NDUFA10: variants seen among roughly 807,000 people sequenced by gnomAD.
NDUFA10 encodes NADH:ubiquinone oxidoreductase subunit A10.
In NDUFA10, 40 loss-of-function variants were observed where a neutral mutation model predicts 47.8. The observed-to-expected ratio is 0.84, with a 90% CI of 0.65 to 1.09. The LOEUF (loss-of-function observed/expected upper bound fraction) is 1.09. Among genes scored for constraint, NDUFA10 ranks in the 50% least tolerant of loss-of-function variants. The pLI, the probability that NDUFA10 is intolerant of heterozygous loss-of-function variation, is 0.00. For synonymous variants in NDUFA10, 183 were observed against 172.2 expected (o/e 1.06, Z -0.49); for missense variants, 413 against 451.1 (o/e 0.92, Z 0.76).
At chr2:239,994,952 C>T (rs1462242200) in intron 8 of NDUFA10, among the ~76,000 whole-genome samples, 2 of 152,078 alleles carry the variant, frequency 1.3e-5, no homozygotes, top group African/African-American at 4.8e-5. Flanking sequence ...CTAACAGCAA[C>T]AATGAATTGA....
rs1172055956 is a variant in NDUFA10 at position 239,915,461 on chromosome 2, CACAT to C, written c.295-20151_295-20148del. On this transcript the variant is annotated intron_variant, in intron 4 of 5. Coordinates refer to the NDUFA10 transcript ENST00000419408. ...ACACACACACAGAGAGACAGAGATA[CACAT>C]ACATACACACACACAGAACACACAC... Among the ~76,000 whole-genome samples, 6 of 145,968 alleles carry C rather than the reference CACAT, an allele frequency of 4.1e-5. 1 individual carries two copies. The highest frequency in any genetic ancestry group is 2.0e-4 in the East Asian group (1 of 5,064).
chr2:239,912,034 G>A (rs1034077361), intron 4 of NDUFA10, among the ~76,000 whole-genome samples: 1 of 152,146 alleles, frequency 6.6e-6, no homozygotes, highest in Non-Finnish European at 1.5e-5. Context: ...GAGAGGAGGC[G>A]CAGCTTTGCT....
At chr2:239,916,363 C>T (rs891713456) in intron 4 of NDUFA10, among the ~76,000 whole-genome samples, 5 of 151,736 alleles carry the variant, frequency 3.3e-5, no homozygotes, top group Admixed American at 2.0e-4. Context: ...CACACATACA[C>T]AGACATGCAG....
intron 4 of NDUFA10, among the ~76,000 whole-genome samples, chr2:239,900,579 G>GAA (rs10566559): frequency 0.011 from 1,609 of 148,104 alleles, 18 homozygotes; most frequent in African/African-American, 0.03. Context: ...TCTTCCATAG[G>GAA]AAAAAAAAAA....
chr2:239,939,641 C>G (rs182603990), intron 4 of NDUFA10, among the ~76,000 whole-genome samples: 1 of 152,282 alleles, frequency 6.6e-6, no homozygotes, highest in Admixed American at 6.5e-5. Context: ...TCTAAAGTTT[C>G]CAAATAGGAA....
Position 240,005,269 on chromosome 2 carries a change from C to A in NDUFA10, c.831G>T (p.Lys277Asn), listed in dbSNP as rs371179761. 2.7e-5 allele frequency: 44 copies of A among 1,613,956 alleles called. No homozygotes were observed. Among genetic ancestry groups the A allele is most frequent in the Non-Finnish European group, 3.7e-5 (44 of 1,179,978 alleles). The part of the protein sequence containing the change: ...KKVVEDIEYL[K>N]FDKGPWLKQD... ...GCTTGAGCCACGGCCCTTTATCGAA[C>A]TTCAGGTATTCAATGTCCTCTACCA... The change falls in exon 8 of 10, where the codon AAG (lysine) becomes AAT (asparagine). Residue 277 changes from lysine (K) to asparagine (N), a missense_variant. Physicochemically the swap from Lys to Asn is moderately conservative, Grantham distance 94. Coordinates refer to ENST00000252711, the MANE Select transcript of NDUFA10 (RefSeq NM_004544.4).
chr2:240,002,299 C>T (rs1243356910), intron 8 of NDUFA10, among the ~76,000 whole-genome samples: 3 of 137,818 alleles, frequency 2.2e-5, no homozygotes, highest in Non-Finnish European at 4.5e-5. Context: ...CACTGCACTC[C>T]AGTCTGGGCA....
chr2:239,962,239 A>ACC (rs3223307), intron 9 of NDUFA10, among the ~76,000 whole-genome samples: 2 of 149,346 alleles, frequency 1.3e-5, no homozygotes, highest in Middle Eastern at 3.4e-3. Flanking sequence ...ACACACACAC[A>ACC]CCCCTTCCAA....
At chr2:239,999,539 G>GCAA (rs1696621800) in intron 8 of NDUFA10, among the ~76,000 whole-genome samples, 1 of 152,208 alleles carries the variant, frequency 6.6e-6, no homozygotes, top group Non-Finnish European at 1.5e-5. Flanking sequence ...AGCAGCAGCA[G>GCAA]CTCTGGACTC....
At chr2:239,949,262 G>A (rs927139220) in intron 4 of NDUFA10, among the ~76,000 whole-genome samples, 2 of 152,238 alleles carry the variant, frequency 1.3e-5, no homozygotes, top group Non-Finnish European at 2.9e-5. Context: ...ACGGCTCGGA[G>A]GGCGAAGCGA....
At chr2:239,904,307 C>T (rs1335429912) in intron 4 of NDUFA10, among the ~76,000 whole-genome samples, 1 of 152,030 alleles carries the variant, frequency 6.6e-6, no homozygotes, top group East Asian at 1.9e-4. Context: ...ATTCGTTATA[C>T]ATATTTTTTA....
intron 4 of NDUFA10, among the ~76,000 whole-genome samples, chr2:239,898,080 A>G (rs930221946): frequency 6.6e-6 from 1 of 152,154 alleles, no homozygotes; most frequent in Non-Finnish European, 1.5e-5. Context: ...GCAGGAACCA[A>G]CCGGGGCCCA....
At chr2:239,943,887 C>T (rs1159582344) in intron 4 of NDUFA10, among the ~76,000 whole-genome samples, 1 of 152,190 alleles carries the variant, frequency 6.6e-6, no homozygotes, top group Non-Finnish European at 1.5e-5. Flanking sequence ...GTCCCTGTCC[C>T]TGGACAGTGA....
chr2:239,986,297 G>A lies in NDUFA10; in HGVS notation c.999+3777C>T, dbSNP rs115978293. On this transcript the variant is annotated intron_variant, in intron 9 of 9. Transcript: ENST00000252711. ...AAGTTCAAATGGAAAGCTGTTCTGC[G>A]GGACTGGAGAATGCCTGCCTGCACC... Among the ~76,000 whole-genome samples, 626 of 152,302 alleles carry A rather than the reference G, an allele frequency of 4.1e-3. 7 individuals carry two copies. Among genetic ancestry groups the A allele is most frequent in the African/African-American group, 0.014 (582 of 41,556 alleles).
Position 240,025,313 on chromosome 2 carries a change from C to T in NDUFA10, c.-12G>A. On this transcript the variant is annotated 5_prime_UTR_variant, in exon 1 of 10. Coordinates refer to ENST00000252711, the MANE Select transcript of NDUFA10 (RefSeq NM_004544.4). The stretch of plus-strand genomic sequence containing the variant: ...AGCCGCAAGGCCATGGCTACCCGGT[C>T]AGCTCAGGATCAAGGACCCAAGGGG... 1 of 1,505,140 alleles carries T rather than the reference C, an allele frequency of 6.6e-7. No individual in the cohort carries two copies. The highest frequency in any genetic ancestry group is 8.8e-7 in the Non-Finnish European group (1 of 1,130,548). 93.2% of individuals were successfully genotyped at this position (1,505,140 alleles called of 1,614,324 possible).
At chr2:239,927,040 A>G (rs1340214123) in intron 4 of NDUFA10, among the ~76,000 whole-genome samples, 1 of 152,096 alleles carries the variant, frequency 6.6e-6, no homozygotes, top group Non-Finnish European at 1.5e-5. Context: ...CCCACGATTC[A>G]ACGGCCTCCC....
In NDUFA10 at chr2:240,014,859, A is replaced by G. The variant is rs149783296; in HGVS notation, c.549T>C (p.Cys183=). 1.4e-4 allele frequency: 218 copies of G among 1,614,174 alleles called. 1 individual carries two copies. The East Asian group carries it at 3.5e-3, about 26-fold the overall frequency. The change falls in exon 5 of 10, where the codon TGT becomes TGC. Residue 183 remains cysteine, a splice_region_variant and synonymous_variant. Transcript: ENST00000252711. ...TCTTCACCTCGTTGTAGTGGTCCAC[A>G]CCTGGCACATAGGAGAAAGGGGCGC... ...MYNQGFIRKQ[C]VDHYNEVKSV...
rs1694691676 is a variant in NDUFA10, at chr2:239,957,580, G to A, written c.*3538C>T. ...ATACATCAATAGTAAAAGCGAATGA[G>A]CAAACTTACTCACATGCTTAAAGAT... On this transcript the variant is annotated 3_prime_UTR_variant, in exon 10 of 10. Transcript: ENST00000252711. 6.6e-6 allele frequency: 1 copy of A among 152,184 alleles called. No individual in the cohort carries two copies. Among genetic ancestry groups the A allele is most frequent in the Admixed American group, 6.5e-5 (1 of 15,272 alleles). The allele number at this position is 152,184 out of a possible 1,614,324, so 9.4% of individuals were successfully genotyped here. A position where few individuals can be genotyped will look rare whatever the true frequency, so the allele number is the denominator to read the frequency against.
Position 240,025,230 on chromosome 2 carries a change from G to A in NDUFA10, c.72C>T (p.Arg24=), listed in dbSNP as rs1387360314. 3 of 1,273,258 alleles carry A rather than the reference G, an allele frequency of 2.4e-6. No individual in the cohort carries two copies. The highest frequency in any genetic ancestry group is 3.0e-6 in the Non-Finnish European group (3 of 989,384). 78.9% of individuals were successfully genotyped at this position (1,273,258 alleles called of 1,614,324 possible). The change falls in exon 1 of 10, where the codon CGC becomes CGT. Residue 24 remains arginine, a synonymous_variant. Transcript: ENST00000252711. Reference sequence around the variant, plus strand: ...TGCCACCCCGCCGCCCGCTCACCACGCGCTGGGCGCCCGCCGCCACGACCC... The same window carrying A: ...TGCCACCCCGCCGCCCGCTCACCACACGCTGGGCGCCCGCCGCCACGACCC... ...SARVVAAGAQ[R]VRGIHSSVQC...
Sources: gnomAD v4.1 joint callset for allele counts (sites outside exome capture counted in the v4.1 genomes callset) on GRCh38, gnomAD v4.1.1 for gene constraint, MANE v1.5 for transcripts, NCBI Gene and HGNC (gene_info 2026-07-23, HGNC 2026-07-21) for gene names.